NRDC: variants seen among roughly 807,000 people sequenced by gnomAD.
NRDC encodes the protein nardilysin convertase, also known as nardilysin.
Under a neutral mutation model 147.1 loss-of-function variants are expected in NRDC, and 54 were observed. The ratio of observed to expected loss-of-function variants is 0.37; its 90% CI spans 0.29 to 0.46. NRDC has a LOEUF of 0.46. Among genes scored for constraint, NRDC ranks in the 20% least tolerant of loss-of-function variants. NRDC has a pLI of 1.00. For synonymous variants in NRDC, 440 were observed against 482.1 expected, an observed-to-expected ratio of 0.91 and a Z score of 1.14; for missense variants, 1,082 against 1,370.6, an observed-to-expected ratio of 0.79 and a Z score of 3.33.
Position 51,864,941 on chromosome 1 carries a change from C to T in NRDC, c.341+13334G>A, listed in dbSNP as rs548042842. ...CCCCACCCTGGGTGATGGAGTGAGA[C>T]CTGGTCTTAAAAAAAAAAAAAAAAA... is the stretch of plus-strand genomic sequence containing the variant. On this transcript the variant is annotated intron_variant, in intron 1 of 30. Coordinates refer to ENST00000352171, the MANE Select transcript of NRDC (RefSeq NM_001101662.2). Among the ~76,000 whole-genome samples, 94 of 146,882 alleles carry T rather than the reference C, an allele frequency of 6.4e-4. 1 individual carries two copies. Among genetic ancestry groups the T allele is most frequent in the Non-Finnish European group, 2.8e-4 (19 of 67,138 alleles).
chr1:51,790,391 T>C lies in NRDC; in HGVS notation c.3168+142A>G. 4.4e-6 allele frequency: 3 copies of C among 681,386 alleles called. No homozygotes were observed. The South Asian group carries it at 5.3e-5, about 12-fold the overall frequency. 42.2% of individuals were successfully genotyped at this position (681,386 alleles called of 1,614,324 possible). A position where few individuals can be genotyped will look rare whatever the true frequency, so the allele number is the denominator to read the frequency against. ...GTGCTAGAGAGGCCAGTCTGAAAAC[T>C]CAGGAAGTGAGCGAGTAATCAGGCC... On this transcript the variant is annotated intron_variant, in intron 29 of 30. Transcript: ENST00000352171.
chr1:51,804,409 C>T (rs923877899), intron 19 of NRDC, among the ~76,000 whole-genome samples: 4 of 152,042 alleles, frequency 2.6e-5, no homozygotes, highest in African/African-American at 7.2e-5. Flanking sequence ...AAGAAATGCA[C>T]CAACATTTCC....
intron 22 of NRDC, chr1:51,795,755 C>T (rs1678869472): frequency 6.5e-6 from 1 of 152,824 alleles, no homozygotes; most frequent in African/African-American, 2.4e-5. Context: ...TGCTCCCACT[C>T]TTACTACTGT....
intron 1 of NRDC, among the ~76,000 whole-genome samples, chr1:51,846,741 T>A (rs115447652): frequency 1.0e-3 from 155 of 152,358 alleles, no homozygotes; most frequent in African/African-American, 3.5e-3. Flanking sequence ...CCAAGTGGGT[T>A]ATCACCCCAG....
At chr1:51,789,845 T>C in intron 29 of NRDC, 188 bp from the exon 30 acceptor site, 1 of 593,546 alleles carries the variant, frequency 1.7e-6, no homozygotes, top group African/African-American at 1.9e-5. Context: ...CTTCACATTT[T>C]ATACCAATCA....
At chr1:51,849,684 C>G (rs765878505) in intron 1 of NRDC, among the ~76,000 whole-genome samples, 25 of 150,620 alleles carry the variant, frequency 1.7e-4, no homozygotes, top group Non-Finnish European at 2.2e-4. Flanking sequence ...GGCATGGTGG[C>G]TGGCACCTGT....
intron 1 of NRDC, among the ~76,000 whole-genome samples, chr1:51,844,797 AGGGG>A (rs1177831901): frequency 1.5e-5 from 1 of 65,672 alleles, no homozygotes; most frequent in African/African-American, 6.2e-5. Context: ...GAAGGGGAGG[AGGGG>A]GGAGGGAGGG....
chr1:51,829,062 T>C (rs971249359), intron 4 of NRDC, among the ~76,000 whole-genome samples: 4 of 152,224 alleles, frequency 2.6e-5, no homozygotes, highest in African/African-American at 9.6e-5. Flanking sequence ...ATAATTTCTG[T>C]TGACTTAAAT....
chr1:51,797,028 A>G (rs974806127), intron 22 of NRDC, among the ~76,000 whole-genome samples: 5 of 151,582 alleles, frequency 3.3e-5, no homozygotes, highest in South Asian at 2.1e-4. Context: ...GTGAAATCCC[A>G]TCTCTGCTAA....
intron 22 of NRDC, among the ~76,000 whole-genome samples, chr1:51,796,046 A>AT (rs1002806020): frequency 3.3e-5 from 5 of 151,668 alleles, no homozygotes; most frequent in South Asian, 4.2e-4. Context: ...CACCCAGCTA[A>AT]TTTTTTTTAA....
At position 51,795,631 on chromosome 1, in the gene NRDC, A is replaced by C. The variant is rs561971734; in HGVS notation, c.2605-777T>G. Reference sequence around the variant, plus strand: ...CATGGAGGAGGATGGTTAATAACAAAACAGTTCAGGGAGAGAATCTTGAAC... The same window carrying C: ...CATGGAGGAGGATGGTTAATAACAACACAGTTCAGGGAGAGAATCTTGAAC... On this transcript the variant is annotated intron_variant, in intron 22 of 30. Transcript: ENST00000352171. 28 of 163,650 alleles carry C rather than the reference A, an allele frequency of 1.7e-4. No individual in the cohort carries two copies. The Middle Eastern group carries it at 9.5e-3, about 55-fold the overall frequency. The allele number at this position is 163,650 out of a possible 1,614,324, so 10.1% of individuals were successfully genotyped here.
At chr1:51,832,645 C>T (rs1417366) in intron 4 of NRDC, among the ~76,000 whole-genome samples, 4,427 of 151,896 alleles carry the variant, frequency 0.029, 102 homozygotes, top group South Asian at 0.1. Flanking sequence ...TACTTTTTTC[C>T]GGGGTAGACT....
chr1:51,797,368 T>C (rs1467648643), intron 22 of NRDC, among the ~76,000 whole-genome samples: 1 of 152,230 alleles, frequency 6.6e-6, no homozygotes, highest in Non-Finnish European at 1.5e-5. Flanking sequence ...TTATATTTTC[T>C]GCTTCTATGA....
intron 1 of NRDC, among the ~76,000 whole-genome samples, chr1:51,857,859 G>C (rs980849559): frequency 1.3e-5 from 2 of 152,092 alleles, no homozygotes; most frequent in Admixed American, 6.5e-5. Flanking sequence ...CCTTAGGTAG[G>C]GAAAAATCAT....
At chr1:51,830,600 C>T (rs1049627840) in intron 4 of NRDC, among the ~76,000 whole-genome samples, 1 of 152,182 alleles carries the variant, frequency 6.6e-6, no homozygotes, top group African/African-American at 2.4e-5. Flanking sequence ...GCTATAACTA[C>T]TCAGGACGCC....
chr1:51,878,636 T>A lies in NRDC; in HGVS notation c.-21A>T. ...AGCATTCACCACCAAGCTGGAGCGATGGACATCCCGCTTCCCAGGACCCAC... is the reference window on the plus strand; with the variant it reads ...AGCATTCACCACCAAGCTGGAGCGAAGGACATCCCGCTTCCCAGGACCCAC... On this transcript the variant is annotated 5_prime_UTR_variant, in exon 1 of 31. Transcript: ENST00000352171. 2 of 1,590,862 alleles carry A rather than the reference T, an allele frequency of 1.3e-6. No individual in the cohort carries two copies. The highest frequency in any genetic ancestry group is 1.7e-6 in the Non-Finnish European group (2 of 1,167,300).
intron 29 of NRDC, 61 bp downstream of exon 29, chr1:51,790,472 A>G (rs1198486138): frequency 9.0e-6 from 9 of 1,002,292 alleles, no homozygotes; most frequent in Admixed American, 8.6e-5. Flanking sequence ...CAGACCTGTG[A>G]TGCCTGTAGA....
At position 51,790,942 on chromosome 1, in the gene NRDC, C is replaced by T. The variant is rs772115520; in HGVS notation, c.3009G>A (p.Glu1003=). ...CTTCAGTGAGGTTCTCAATCTTCTC[C>T]TCAAAGCTAGAAAGAAACTCTTCTA... ...KKIEEFLSSF[E]EKIENLTEEA... The change falls in exon 28 of 31, where the codon GAG becomes GAA. Residue 1003 remains glutamate (E), a synonymous_variant. Coordinates refer to ENST00000352171, the MANE Select transcript of NRDC (RefSeq NM_001101662.2). 6.2e-7 allele frequency: 1 copy of T among 1,613,966 alleles called. No homozygotes were observed. Among genetic ancestry groups the T allele is most frequent in the Non-Finnish European group, 8.5e-7 (1 of 1,179,912 alleles).
rs1681304316 is a variant in NRDC at position 51,842,230 on chromosome 1, G to C, written c.342-1716C>G. On this transcript the variant is annotated intron_variant, in intron 1 of 30. Coordinates refer to ENST00000352171, the MANE Select transcript of NRDC (RefSeq NM_001101662.2). The stretch of plus-strand genomic sequence containing the variant: ...CATTTAAGTGATAGAAAAAATGTTT[G>C]GTTTTTTTTTTTTTGGTTTTTGAAA... Among the ~76,000 whole-genome samples the C allele has an allele frequency of 3.3e-5, 5 of 149,922 alleles. No individual in the cohort carries two copies. In the South Asian group the frequency reaches 1.0e-3, roughly 31 times the overall value.
Sources: allele counts gnomAD v4.1 joint callset (sites outside exome capture counted in the v4.1 genomes callset), GRCh38; gene constraint gnomAD v4.1.1; transcripts MANE v1.5; gene names NCBI Gene and HGNC (gene_info 2026-07-23, HGNC 2026-07-21).